The following ZNF208 variants were observed in gnomAD, a reference collection of about 807,000 sequenced individuals.
ZNF208 encodes the protein zinc finger protein 95.
In ZNF208, 10 loss-of-function variants were observed where a neutral mutation model predicts 12.1. The observed-to-expected ratio is 0.83, with a 90% CI of 0.51 to 1.40. ZNF208 has a LOEUF of 1.40. ZNF208 is among the 40% of genes most tolerant of loss of function. The pLI is 0.00. For missense variants in ZNF208, 1,652 were observed against 1,485.0 expected (o/e 1.11, Z -1.85); for synonymous variants, 497 against 488.4 (o/e 1.02, Z -0.23).
intron 4 of ZNF208, chr19:21,941,235 A>C (rs1393201869): frequency 2.5e-6 from 1 of 398,568 alleles, no homozygotes; most frequent in Non-Finnish European, 4.4e-6. Context: ...ACACCAGAGA[A>C]GGACAAGAAA....
intron 1 of ZNF208, among the ~76,000 whole-genome samples, chr19:21,991,898 T>G (rs968349148): frequency 6.6e-6 from 1 of 152,182 alleles, no homozygotes; most frequent in African/African-American, 2.4e-5. Context: ...GATTTTTTTT[T>G]TCCAGAAGAT....
rs1472608242 is a variant in ZNF208, at chr19:21,972,538, G to A, written c.2496C>T (p.Pro832=). ...THKAIHAGEK[P]YKCKECGKAF... ...CTTTGCCACATTCTTTACATTTGTA[G>A]GGCTTTTCTCCAGCATGAATTGCCT... Residue 832 remains proline, a synonymous_variant, in exon 4 of 4, where the codon CCC becomes CCT. Transcript: ENST00000397126. The A allele has an allele frequency of 6.2e-7, 1 of 1,613,000 alleles. No individual in the cohort carries two copies. The highest frequency in any genetic ancestry group is 8.5e-7 in the Non-Finnish European group (1 of 1,179,820).
At position 21,943,775 on chromosome 19, in the gene ZNF208, A is replaced by C. The variant is rs190646624; in HGVS notation, c.306-10538T>G. On this transcript the variant is annotated intron_variant, in intron 4 of 4. Transcript: ENST00000599916. Reference sequence around the variant, plus strand: ...ACTATGAGTCTTACTGGGTAAAAATAAACATAAAAAGCTGAGAACATCATG... The same window carrying C: ...ACTATGAGTCTTACTGGGTAAAAATCAACATAAAAAGCTGAGAACATCATG... 3.5e-4 allele frequency among the ~76,000 whole-genome samples: 54 copies of C among 152,344 alleles called. 1 individual carries two copies. The highest frequency in any genetic ancestry group is 1.2e-3 in the African/African-American group (51 of 41,580).
chr19:22,006,686 C>G (rs1400057682), intron 1 of ZNF208, among the ~76,000 whole-genome samples: 1 of 152,098 alleles, frequency 6.6e-6, no homozygotes, highest in East Asian at 1.9e-4. Context: ...TCTGCTGGCT[C>G]AAAATTAACC....
intron 4 of ZNF208, among the ~76,000 whole-genome samples, chr19:21,954,014 C>T (rs1328490211): frequency 1.3e-5 from 2 of 152,176 alleles, no homozygotes; most frequent in African/African-American, 2.4e-5. Context: ...AAATGTGTCC[C>T]AGAGATTCTG....
rs147903229 is a variant in ZNF208, at chr19:21,983,330, G to A, written c.226+3886C>T. On this transcript the variant is annotated intron_variant, in intron 3 of 3. Transcript: ENST00000397126. ...ATACCATCTCATGCCAGTTAGAACG[G>A]CGATCATTGAGAAGTCAGGAAACAA... 7.8e-3 allele frequency among the ~76,000 whole-genome samples: 1,173 copies of A among 151,180 alleles called. 9 individuals carry two copies. Among genetic ancestry groups the A allele is most frequent in the African/African-American group, 0.027 (1,099 of 41,002 alleles).
intron 4 of ZNF208, among the ~76,000 whole-genome samples, chr19:21,951,106 A>T (rs2145516629): frequency 6.6e-6 from 1 of 152,356 alleles, no homozygotes; most frequent in South Asian, 2.1e-4. Flanking sequence ...ATGCAGGTCA[A>T]ATATTAGGTT....
rs139647085 is a variant in ZNF208, at chr19:22,002,013, G to A, written c.3+8779C>T. Among the ~76,000 whole-genome samples the A allele has an allele frequency of 7.6e-3, 1,160 of 151,668 alleles. 9 individuals carry two copies. The highest frequency in any genetic ancestry group is 0.026 in the African/African-American group (1,087 of 41,374). The stretch of plus-strand genomic sequence containing the variant: ...AGCTAACCCACTATGATCAACTATG[G>A]TTTATTTTGGGGATTTAAGGTTTGC... On this transcript the variant is annotated intron_variant, in intron 1 of 3. Coordinates refer to ENST00000397126, the MANE Select transcript of ZNF208 (RefSeq NM_007153.3).
chr19:21,983,355 A>G (rs1237280861), intron 3 of ZNF208, among the ~76,000 whole-genome samples: 1 of 103,226 alleles, frequency 9.7e-6, no homozygotes, highest in African/African-American at 4.3e-5. Flanking sequence ...TCAGGAAACA[A>G]CAGATGCTGG....
chr19:22,006,548 C>T (rs1227529610), intron 1 of ZNF208, among the ~76,000 whole-genome samples: 1 of 152,084 alleles, frequency 6.6e-6, no homozygotes, highest in Non-Finnish European at 1.5e-5. Flanking sequence ...GCCTGTGGGG[C>T]CCCAGCTTTC....
At chr19:21,940,728 C>T (rs1043773229) in intron 4 of ZNF208, 1 of 152,312 alleles carries the variant, frequency 6.6e-6, no homozygotes, top group African/African-American at 2.4e-5. Flanking sequence ...TTGAGCCTGC[C>T]CGGCCCAGCC....
intron 3 of ZNF208, among the ~76,000 whole-genome samples, chr19:21,981,477 G>C (rs1970536825): frequency 6.6e-6 from 1 of 152,074 alleles, no homozygotes; most frequent in African/African-American, 2.4e-5. Flanking sequence ...TATCTCAATA[G>C]ATGCATAAAA....
At chr19:21,990,767 CCT>C (rs1970719276) in intron 1 of ZNF208, among the ~76,000 whole-genome samples, 1 of 152,014 alleles carries the variant, frequency 6.6e-6, no homozygotes, top group African/African-American at 2.4e-5. Context: ...TTGTTTGTAT[CCT>C]CTTTTATTTC....
chr19:22,001,602 A>G (rs1415796974), intron 1 of ZNF208, among the ~76,000 whole-genome samples: 1 of 152,092 alleles, frequency 6.6e-6, no homozygotes, highest in East Asian at 1.9e-4. Flanking sequence ...AAAATCTTCA[A>G]CAAAAGGCTG....
chr19:21,960,334 A>G (rs1460870632), intron 4 of ZNF208, among the ~76,000 whole-genome samples: 2 of 152,152 alleles, frequency 1.3e-5, no homozygotes, highest in African/African-American at 4.8e-5. Context: ...AAAGGTATCT[A>G]AGTCATAATT....
At chr19:21,943,978 A>G (rs1372116358) in intron 4 of ZNF208, among the ~76,000 whole-genome samples, 1 of 152,246 alleles carries the variant, frequency 6.6e-6, no homozygotes, top group Non-Finnish European at 1.5e-5. Context: ...TCCCCAAGCT[A>G]CAGATGCCAT....
intron 4 of ZNF208, among the ~76,000 whole-genome samples, chr19:21,957,437 G>A (rs1010870205): frequency 6.6e-6 from 1 of 152,202 alleles, no homozygotes; most frequent in African/African-American, 2.4e-5. Flanking sequence ...AAGAAATCAA[G>A]TTTAAGTTGC....
At chr19:21,994,530 C>G (rs915997074) in intron 1 of ZNF208, among the ~76,000 whole-genome samples, 3 of 151,890 alleles carry the variant, frequency 2.0e-5, no homozygotes, top group African/African-American at 7.3e-5. Context: ...TTCTCTATGC[C>G]ACTGGGGGGT....
chr19:21,961,429 G>A (rs1266804472), downstream of ZNF208, among the ~76,000 whole-genome samples: 1 of 152,116 alleles, frequency 6.6e-6, no homozygotes, highest in Admixed American at 6.6e-5. Flanking sequence ...AAGGCAAAAG[G>A]CAAAATTAGC....
Sources: gnomAD v4.1 joint callset for allele counts (sites outside exome capture counted in the v4.1 genomes callset) on GRCh38, gnomAD v4.1.1 for gene constraint, MANE v1.5 for transcripts, NCBI Gene and HGNC (gene_info 2026-07-23, HGNC 2026-07-21) for gene names.